The following LMLN variants were observed in gnomAD, a reference collection of about 807,000 sequenced individuals.
The protein encoded by LMLN is leishmanolysin like peptidase, also known as leishmanolysin-like peptidase.
In LMLN, 70 loss-of-function variants were observed where a neutral mutation model predicts 92.3. That is an observed-to-expected ratio of 0.76 (90% CI 0.63 to 0.92). LMLN has a LOEUF of 0.92. Ranked by LOEUF, LMLN falls within the 40% of genes least tolerant of loss-of-function variation. The pLI is 0.00. For synonymous variants in LMLN, 308 were observed against 296.2 expected (o/e 1.04, Z -0.41); for missense variants, 691 against 814.6 (o/e 0.85, Z 1.85).
intron 11 of LMLN, among the ~76,000 whole-genome samples, chr3:198,012,838 T>A (rs1722489793): frequency 1.4e-5 from 2 of 146,532 alleles, no homozygotes. Context: ...CTCTCCACCC[T>A]TCAGAGTCCC....
Position 198,042,763 on chromosome 3 carries a change from G to A in LMLN, c.*4096G>A, listed in dbSNP as rs963651147. 1 of 152,188 alleles carries A rather than the reference G, an allele frequency of 6.6e-6. No individual in the cohort carries two copies. Among genetic ancestry groups the A allele is most frequent in the Admixed American group, 6.5e-5 (1 of 15,284 alleles). 9.4% of individuals were successfully genotyped at this position (152,188 alleles called of 1,614,324 possible). A position where few individuals can be genotyped will look rare whatever the true frequency, so the allele number is the denominator to read the frequency against. ...AGGTCCCAGTTGTCAAAAATATCAA[G>A]TGAATTTGTCTCAGGTTTTCAGAAA... On this transcript the variant is annotated 3_prime_UTR_variant, in exon 16 of 16. Coordinates refer to ENST00000330198, the Ensembl canonical transcript of LMLN. The surrounding 1 kb of genome is among the most constrained non-coding windows in gnomAD (Gnocchi z 4.2).
intron 11 of LMLN, among the ~76,000 whole-genome samples, chr3:198,002,476 A>G (rs1183710455): frequency 1.3e-5 from 2 of 152,220 alleles, no homozygotes; most frequent in Non-Finnish European, 2.9e-5. Flanking sequence ...AGTGGCTCAT[A>G]CCTGCAATCC....
intron 8 of LMLN, among the ~76,000 whole-genome samples, chr3:197,990,194 C>T (rs1721826773): frequency 1.3e-5 from 2 of 152,090 alleles, no homozygotes; most frequent in South Asian, 4.1e-4. Flanking sequence ...GCCTGTGTAG[C>T]TGGGACCACA....
intron 1 of LMLN, among the ~76,000 whole-genome samples, chr3:197,964,745 T>C (rs939471667): frequency 6.8e-6 from 1 of 147,580 alleles, no homozygotes; most frequent in Admixed American, 6.8e-5. Flanking sequence ...CAGTGGCTCA[T>C]GCCTGTAATC....
intron 11 of LMLN, among the ~76,000 whole-genome samples, chr3:198,015,120 C>A (rs1376099752): frequency 6.8e-6 from 1 of 147,650 alleles, no homozygotes; most frequent in Non-Finnish European, 1.5e-5. Flanking sequence ...ACTAGTCTGA[C>A]TTCTCTGTAC....
At chr3:197,967,381 G>A (rs963560604) in intron 1 of LMLN, among the ~76,000 whole-genome samples, 13 of 152,212 alleles carry the variant, frequency 8.5e-5, no homozygotes, top group Non-Finnish European at 2.9e-5. Context: ...CAGTAGGACC[G>A]TGATGCCCGC....
Position 197,965,708 on chromosome 3 carries a change from G to A in LMLN, c.219+5268G>A, listed in dbSNP as rs148036682. Among the ~76,000 whole-genome samples, 596 of 152,296 alleles carry A rather than the reference G, an allele frequency of 3.9e-3. 7 individuals carry two copies. Among genetic ancestry groups the A allele is most frequent in the African/African-American group, 0.014 (575 of 41,576 alleles). ...GATGGCAAATCGCTTGAGCTCAGGA[G>A]TTCAAGACCAGCCTGGGCAACTTAG... is the stretch of plus-strand genomic sequence containing the variant. On this transcript the variant is annotated intron_variant, in intron 1 of 15. Coordinates refer to ENST00000330198, the Ensembl canonical transcript of LMLN.
At chr3:198,038,048 C>T (rs540850955) in intron 15 of LMLN, among the ~76,000 whole-genome samples, 3 of 148,528 alleles carry the variant, frequency 2.0e-5, no homozygotes, top group East Asian at 3.9e-4. Context: ...TGCCTGTTGT[C>T]GTTATTGATG....
Position 197,980,675 on chromosome 3 carries a change from C to A in LMLN, c.728+171C>A, listed in dbSNP as rs574062378. 1.6e-4 allele frequency: 92 copies of A among 575,988 alleles called. 2 individuals are homozygous for A. In the South Asian group the frequency reaches 2.2e-3, roughly 14 times the overall value. The allele number at this position is 575,988 out of a possible 1,614,324, so 35.7% of individuals were successfully genotyped here. A position where few individuals can be genotyped will look rare whatever the true frequency, so the allele number is the denominator to read the frequency against. On this transcript the variant is annotated intron_variant, in intron 6 of 15. Transcript: ENST00000330198. ...GTGGGGTTAGGAGACCGTGATTAGA[C>A]TGTTATTAATGTGATAACCCAAGTT...
At chr3:197,990,231 T>G (rs566133322) in intron 8 of LMLN, among the ~76,000 whole-genome samples, 6 of 152,088 alleles carry the variant, frequency 3.9e-5, no homozygotes, top group Admixed American at 6.5e-5. Flanking sequence ...CCCAGCTAAT[T>G]TTTAAATTTT....
chr3:197,980,342 G>A lies in LMLN; in HGVS notation c.566G>A (p.Arg189His), dbSNP rs189686850. 111 of 1,613,606 alleles carry A rather than the reference G, an allele frequency of 6.9e-5. 2 individuals carry two copies. The South Asian group carries it at 6.9e-4, about 10-fold the overall frequency. The change falls in exon 6 of 16, where the codon CGT becomes CAT. Residue 189 changes from arginine to histidine, a missense_variant. Arg to His is a conservative substitution (Grantham distance 29). Coordinates refer to ENST00000330198, the Ensembl canonical transcript of LMLN. Reference sequence around the variant, plus strand: ...TGGGTGCAGCAATGCCGGGTCTACCGTGGGGGTAAGTGGCCTCATGGAGCA... The same window carrying A: ...TGGGTGCAGCAATGCCGGGTCTACCATGGGGGTAAGTGGCCTCATGGAGCA...
At chr3:197,995,738 C>G (rs1721999804) in intron 9 of LMLN, among the ~76,000 whole-genome samples, 1 of 151,230 alleles carries the variant, frequency 6.6e-6, no homozygotes, top group African/African-American at 2.4e-5. Context: ...TTAAAATATT[C>G]TCACAAAAAA....
At chr3:198,036,083 AAGG>A in intron 15 of LMLN, 40 bp downstream of exon 16, 1 of 1,548,530 alleles carries the variant, frequency 6.5e-7, no homozygotes, top group Non-Finnish European at 8.9e-7. Context: ...GGGAAAAGTG[AAGG>A]AGGTGAACTT....
At chr3:198,022,135 A>G (rs983000753) in intron 13 of LMLN, among the ~76,000 whole-genome samples, 1 of 152,204 alleles carries the variant, frequency 6.6e-6, no homozygotes, top group African/African-American at 2.4e-5. Context: ...CTTGTGGGGA[A>G]TGTGCATTTT....
At position 197,983,934 on chromosome 3, in the gene LMLN, T is replaced by C. The variant is rs776082437; in HGVS notation, c.729-9T>C. ...ATGTAATTTAAAAATTCAATGTCTG[T>C]TTTGACAGGCCAATAGCAGGATATG... On this transcript the variant is annotated splice_polypyrimidine_tract_variant and intron_variant, in intron 6 of 15. Transcript: ENST00000330198. 6.4e-7 allele frequency: 1 copy of C among 1,570,096 alleles called. No individual in the cohort carries two copies. The highest frequency in any genetic ancestry group is 8.8e-7 in the Non-Finnish European group (1 of 1,141,420).
At chr3:197,985,395 A>ACG (rs1382785977) in intron 7 of LMLN, among the ~76,000 whole-genome samples, 1 of 144,862 alleles carries the variant, frequency 6.9e-6, no homozygotes, top group Admixed American at 6.7e-5. Context: ...TAATGTACAC[A>ACG]CACACACACA....
intron 2 of LMLN, 126 bp from the exon 3 acceptor site, chr3:197,974,916 G>A (rs987016153): frequency 2.9e-6 from 2 of 684,470 alleles, no homozygotes; most frequent in Non-Finnish European, 5.2e-6. Context: ...AGGAATAAAA[G>A]AATGGCTGCT....
intron 1 of LMLN, among the ~76,000 whole-genome samples, chr3:197,960,947 G>T (rs1374955184): frequency 2.0e-5 from 3 of 152,098 alleles, no homozygotes; most frequent in Admixed American, 2.0e-4. Flanking sequence ...CAAAATTCAG[G>T]TTTCTTTTCA....
chr3:198,038,033 C>T (rs1425296085), intron 15 of LMLN, among the ~76,000 whole-genome samples: 1 of 148,530 alleles, frequency 6.7e-6, no homozygotes, highest in Non-Finnish European at 1.5e-5. Flanking sequence ...TCCTCACAGT[C>T]TGTCTGCCTG....
Sources: gnomAD v4.1 joint callset for allele counts (sites outside exome capture counted in the v4.1 genomes callset) on GRCh38, gnomAD v4.1.1 for gene constraint, Gnocchi (gnomAD v3.1) non-coding constraint, MANE v1.5 for transcripts, NCBI Gene and HGNC (gene_info 2026-07-23, HGNC 2026-07-21) for gene names.